KIF2A: variants seen among roughly 807,000 people sequenced by gnomAD.
KIF2A encodes kinesin-like protein KIF2A.
Under a neutral mutation model 100.2 loss-of-function variants are expected in KIF2A, and 22 were observed. The observed-to-expected ratio is 0.22, with a 90% CI of 0.16 to 0.31. KIF2A has a LOEUF of 0.31. Ranked by LOEUF, KIF2A falls within the 10% of genes least tolerant of loss-of-function variation. The pLI is 1.00. For missense variants in KIF2A, 495 were observed against 898.7 expected (o/e 0.55, Z 5.74); for synonymous variants, 268 against 285.9 (o/e 0.94, Z 0.63).
At chr5:62,333,089 C>T (rs531581810) in intron 1 of KIF2A, among the ~76,000 whole-genome samples, 46 of 152,270 alleles carry the variant, frequency 3.0e-4, no homozygotes, top group African/African-American at 9.9e-4. Context: ...AACAGTCTAT[C>T]GATTATATTT....
At chr5:62,314,476 CAG>C (rs1324729461) in intron 1 of KIF2A, among the ~76,000 whole-genome samples, 1 of 152,004 alleles carries the variant, frequency 6.6e-6, no homozygotes, top group Non-Finnish European at 1.5e-5. Flanking sequence ...AACAAACAAA[CAG>C]AGACCAAGGA....
rs572584928 is a variant in KIF2A, at chr5:62,331,802, TG to T, written c.65-15327del. Among the ~76,000 whole-genome samples, 28 of 151,310 alleles carry T rather than the reference TG, an allele frequency of 1.9e-4. 2 individuals carry two copies. The South Asian group carries it at 5.8e-3, about 32-fold the overall frequency. On this transcript the variant is annotated intron_variant, in intron 1 of 20. Transcript: ENST00000407818. ...AACATAGAGTTTGTAATCCTAGGTA[TG>T]TCAGAAACAGCTGCAACCTTTTAAA...
intron 20 of KIF2A, among the ~76,000 whole-genome samples, chr5:62,383,233 T>G (rs1389725583): frequency 2.6e-5 from 2 of 75,622 alleles, no homozygotes; most frequent in Non-Finnish European, 5.0e-5. Flanking sequence ...GGCCAGATTT[T>G]TTTTTTTTTT....
In KIF2A at chr5:62,337,905, A is replaced by T. The variant is rs181950687; in HGVS notation, c.65-9225A>T. On this transcript the variant is annotated intron_variant, in intron 1 of 20. Transcript: ENST00000407818. ...ATAAAAATCCAGAACAAAACAGACA[A>T]TGCAATTCCAGTCAGAATCCCAATA... Among the ~76,000 whole-genome samples the T allele has an allele frequency of 6.7e-4, 102 of 152,230 alleles. 3 individuals are homozygous for T. The South Asian group carries it at 0.02, about 29-fold the overall frequency.
chr5:62,331,914 A>G (rs564717950), intron 1 of KIF2A, among the ~76,000 whole-genome samples: 3 of 152,322 alleles, frequency 2.0e-5, no homozygotes, highest in East Asian at 1.9e-4. Context: ...AATAAAATAC[A>G]TATTTTTGTT....
At chr5:62,325,657 G>C (rs909757052) in intron 1 of KIF2A, among the ~76,000 whole-genome samples, 9 of 152,182 alleles carry the variant, frequency 5.9e-5, no homozygotes, top group African/African-American at 1.9e-4. Context: ...ATGTTGGCCA[G>C]GTTGCAGAGA....
At position 62,365,319 on chromosome 5, in the gene KIF2A, ATTCT is replaced by A; in HGVS notation, c.1548_1551del (p.Phe517Ter). 6.2e-7 allele frequency: 1 copy of A among 1,604,080 alleles called. No individual in the cohort carries two copies. Among genetic ancestry groups the A allele is most frequent in the Non-Finnish European group, 8.5e-7 (1 of 1,173,308 alleles). On this transcript the variant is annotated frameshift_variant, in exon 15 of 21. Transcript: ENST00000407818. LOFTEE classifies it high-confidence loss of function. ...AGTAAACTCACTCAGGTGTTAAGAG[ATTCT>A]TTCATAGGTGAAAACTCTCGTACCT...
intron 1 of KIF2A, chr5:62,308,589 T>C: frequency 1.4e-6 from 1 of 701,646 alleles, no homozygotes; most frequent in Non-Finnish European, 2.6e-6. Flanking sequence ...TGGAACATTA[T>C]TCAGCCTTAA....
At chr5:62,384,071 T>A (rs1580109704) in intron 20 of KIF2A, among the ~76,000 whole-genome samples, 2 of 152,118 alleles carry the variant, frequency 1.3e-5, no homozygotes, top group East Asian at 3.9e-4. Flanking sequence ...ATCCTGTCTC[T>A]ACTAAAAATA....
intron 14 of KIF2A, 27 bp from the exon 15 acceptor site, chr5:62,365,216 T>C: frequency 2.6e-6 from 3 of 1,161,420 alleles, no homozygotes; most frequent in Non-Finnish European, 3.8e-6. Context: ...AAGACTAATC[T>C]GTGAGACTTG....
chr5:62,363,997 A>C (rs1740934426), intron 14 of KIF2A, 98 bp downstream of exon 14: 9 of 956,406 alleles, frequency 9.4e-6, no homozygotes, highest in African/African-American at 5.0e-5. Context: ...ACCTAATAAA[A>C]AGAGGTTTTC....
chr5:62,310,203 G>A (rs1745495375), intron 1 of KIF2A, among the ~76,000 whole-genome samples: 1 of 151,538 alleles, frequency 6.6e-6, no homozygotes. Context: ...ACAGGTGTGT[G>A]CCACCATGCC....
Position 62,387,743 on chromosome 5 carries a change from A to C in KIF2A, c.*2174A>C, listed in dbSNP as rs1742104573. On this transcript the variant is annotated 3_prime_UTR_variant, in exon 21 of 21. Coordinates refer to ENST00000407818, the MANE Select transcript of KIF2A (RefSeq NM_001098511.3). ...GCAAAATAGTTTTGTGAAATTAAAC[A>C]AAAAAATCTACTCTTAATGTATATT... is the stretch of plus-strand genomic sequence containing the variant. 1 of 140,094 alleles carries C rather than the reference A, an allele frequency of 7.1e-6. No homozygotes were observed. Among genetic ancestry groups the C allele is most frequent in the South Asian group, 2.2e-4 (1 of 4,548 alleles). 8.7% of individuals were successfully genotyped at this position (140,094 alleles called of 1,614,324 possible). A position where few individuals can be genotyped will look rare whatever the true frequency, so the allele number is the denominator to read the frequency against.
intron 1 of KIF2A, among the ~76,000 whole-genome samples, chr5:62,344,274 G>T (rs1459200944): frequency 6.6e-6 from 1 of 151,666 alleles, no homozygotes; most frequent in Non-Finnish European, 1.5e-5. Flanking sequence ...AACCTGGGAG[G>T]TGGAGGTTGC....
intron 16 of KIF2A, among the ~76,000 whole-genome samples, chr5:62,366,943 AT>A (rs1340047285): frequency 2.0e-5 from 3 of 152,162 alleles, no homozygotes; most frequent in East Asian, 1.9e-4. Flanking sequence ...ATATAGAATC[AT>A]TTTGTCAAAT....
intron 1 of KIF2A, among the ~76,000 whole-genome samples, chr5:62,326,354 C>T (rs1178010874): frequency 2.6e-5 from 4 of 152,018 alleles, no homozygotes; most frequent in African/African-American, 9.7e-5. Context: ...TTCCCTCATT[C>T]CTTGAGGATG....
At chr5:62,357,431 AC>A (rs1423855418) in intron 7 of KIF2A, among the ~76,000 whole-genome samples, 6 of 152,172 alleles carry the variant, frequency 3.9e-5, no homozygotes, top group Non-Finnish European at 7.3e-5. Flanking sequence ...CAATAGTAGT[AC>A]CCTCTACAGA....
intron 1 of KIF2A, chr5:62,307,033 T>C (rs532445390): frequency 6.9e-6 from 1 of 145,376 alleles, no homozygotes; most frequent in East Asian, 2.0e-4. Flanking sequence ...GAGGCCGAGA[T>C]GGGGGGAAAG....
rs571662670 is a variant in KIF2A at position 62,311,182 on chromosome 5, A to G, written c.64+4646A>G. On this transcript the variant is annotated intron_variant, in intron 1 of 20. Transcript: ENST00000407818. The stretch of plus-strand genomic sequence containing the variant: ...TACAACTTGTCAATGGCAGCCAGGA[A>G]CCTGACATGCTTAGCATAGAAATCA... 3.9e-5 allele frequency among the ~76,000 whole-genome samples: 6 copies of G among 152,330 alleles called. No individual in the cohort carries two copies. The East Asian group carries it at 1.2e-3, about 29-fold the overall frequency.
Sources: allele counts gnomAD v4.1 joint callset (sites outside exome capture counted in the v4.1 genomes callset), GRCh38; gene constraint gnomAD v4.1.1; transcripts MANE v1.5; gene names NCBI Gene and HGNC (gene_info 2026-07-23, HGNC 2026-07-21).